The following ENDOV variants were observed in gnomAD, a reference collection of about 807,000 sequenced individuals.
The protein encoded by ENDOV is endonuclease V, also known as hEndoV.
Under a neutral mutation model 39.4 loss-of-function variants are expected in ENDOV, and 37 were observed. The ratio of observed to expected loss-of-function variants is 0.94; its 90% CI spans 0.72 to 1.23. The LOEUF (loss-of-function observed/expected upper bound fraction) is 1.23. Ranked by LOEUF, ENDOV falls within the 50% of genes most tolerant of loss-of-function variation. The probability of loss-of-function intolerance (pLI) is 0.00; values close to 1 mark genes in which losing one functional copy is unlikely to be tolerated. For missense variants in ENDOV, 441 were observed against 375.7 expected (o/e 1.17, Z -1.44); for synonymous variants, 186 against 163.4 (o/e 1.14, Z -1.05).
At position 80,423,562 on chromosome 17, in the gene ENDOV, C is replaced by T. The variant is rs750107967; in HGVS notation, c.446C>T (p.Pro149Leu). 3.3e-5 allele frequency: 52 copies of T among 1,557,436 alleles called. No homozygotes were observed. The highest frequency in any genetic ancestry group is 4.0e-5 in the Non-Finnish European group (46 of 1,150,764). Reference protein sequence around the residue: ...ACHLGVLTDLPCVGVAKKLLQ... With the variant: ...ACHLGVLTDLLCVGVAKKLLQ... ...CACCTTGGCGTCCTTACAGACCTGC[C>T]GTGTGTTGGGGTGGCCAAGAAACTT... is the stretch of plus-strand genomic sequence containing the variant. The change falls in exon 5 of 10, where the codon CCG becomes CTG. Residue 149 changes from proline to leucine, a missense_variant. Physicochemically the swap from Pro to Leu is moderately conservative, Grantham distance 98. Coordinates refer to ENST00000518137, the MANE Select transcript of ENDOV (RefSeq NM_173627.5).
At chr17:80,436,006 C>T (rs1252046856) in intron 9 of ENDOV, 127 bp from the exon 10 acceptor site, 38 of 1,026,016 alleles carry the variant, frequency 3.7e-5, no homozygotes, top group African/African-American at 1.1e-4. Flanking sequence ...CCTCCCACCT[C>T]GGCCTCCCCA....
In ENDOV at chr17:80,415,223, C is replaced by T. The variant is rs375994328; in HGVS notation, c.29C>T (p.Pro10Leu). MALEAAGGP[P>L]EETLSLWKRE... Reference sequence around the variant, plus strand: ...GCCCTGGAGGCGGCGGGAGGGCCGCCGGAGGAAACGCTGTCACTGTGGAAA... The same window carrying T: ...GCCCTGGAGGCGGCGGGAGGGCCGCTGGAGGAAACGCTGTCACTGTGGAAA... Residue 10 changes from proline (P) to leucine (L), a missense_variant, in exon 1 of 10, where the codon CCG becomes CTG. Physicochemically the swap from Pro to Leu is moderately conservative, Grantham distance 98 (BLOSUM62 -3). Transcript: ENST00000518137. The T allele has an allele frequency of 4.0e-5, 65 of 1,613,366 alleles. 1 individual carries two copies. Among genetic ancestry groups the T allele is most frequent in the East Asian group, 2.5e-4 (11 of 44,866 alleles).
In ENDOV at chr17:80,425,597, C is replaced by T. The variant is rs376958092; in HGVS notation, c.691C>T (p.Arg231Trp). The T allele has an allele frequency of 2.5e-5, 40 of 1,588,228 alleles. No individual in the cohort carries two copies. Among genetic ancestry groups the T allele is most frequent in the African/African-American group, 1.1e-4 (8 of 74,672 alleles). ...VRLTCCCCRFRIPEPVRQADI... is the reference protein window; with the variant it reads ...VRLTCCCCRFWIPEPVRQADI... ...CCTGACTTGCTGCTGCTGCAGGTTC[C>T]GGATCCCAGAGCCCGTGCGCCAGGT... is the stretch of plus-strand genomic sequence containing the variant. Residue 231 changes from arginine to tryptophan, a missense_variant, in exon 7 of 10, where the codon CGG becomes TGG. Transcript: ENST00000518137.
At chr17:80,427,864 G>T (rs1244313875) in intron 7 of ENDOV, 1 of 1,260,930 alleles carries the variant, frequency 7.9e-7, no homozygotes, top group East Asian at 5.7e-5. Flanking sequence ...AGAGGTGCTG[G>T]CCCCGCCTAC....
intron 2 of ENDOV, 65 bp downstream of exon 2, chr17:80,415,886 G>A (rs2081067114): frequency 2.6e-6 from 4 of 1,531,796 alleles, no homozygotes; most frequent in Admixed American, 2.1e-5. Context: ...CGGTCTCCGG[G>A]ACAGGGAGCA....
rs1189137536 is a variant in ENDOV at position 80,436,303 on chromosome 17, C to T, written c.*160C>T. On this transcript the variant is annotated 3_prime_UTR_variant, in exon 10 of 10. Coordinates refer to ENST00000518137, the MANE Select transcript of ENDOV (RefSeq NM_173627.5). Reference sequence around the variant, plus strand: ...GTGGTGAGAGCACACGTCCTCGTCTCGTTCCTGATCGAACGTGGTGGTGAG... The same window carrying T: ...GTGGTGAGAGCACACGTCCTCGTCTTGTTCCTGATCGAACGTGGTGGTGAG... The T allele has an allele frequency of 4.5e-6, 7 of 1,550,252 alleles. No individual in the cohort carries two copies. The highest frequency in any genetic ancestry group is 3.5e-5 in the Admixed American group (2 of 57,168).
At chr17:80,417,847 C>T (rs1402233985) in intron 2 of ENDOV, 2 of 152,156 alleles carry the variant, frequency 1.3e-5, no homozygotes, top group South Asian at 2.1e-4. Context: ...TCAAGAGATA[C>T]GTGTGTGAAT....
At chr17:80,429,515 C>G (rs529554160) in intron 8 of ENDOV, among the ~76,000 whole-genome samples, 12 of 152,282 alleles carry the variant, frequency 7.9e-5, no homozygotes, top group African/African-American at 2.9e-4. Flanking sequence ...GGGGCTGTTC[C>G]CAGGCCTCCC....
At chr17:80,420,980 CTG>C (rs2081935851) in intron 2 of ENDOV, among the ~76,000 whole-genome samples, 3 of 151,704 alleles carry the variant, frequency 2.0e-5, no homozygotes, top group Admixed American at 1.3e-4. Flanking sequence ...CTGGCCAACA[CTG>C]TGTCTTCTTT....
intron 2 of ENDOV, chr17:80,419,983 G>T: frequency 2.8e-6 from 1 of 351,770 alleles, no homozygotes; most frequent in Non-Finnish European, 5.3e-6. Flanking sequence ...TTTTTAATTT[G>T]AAAATGTACA....
intron 4 of ENDOV, among the ~76,000 whole-genome samples, chr17:80,422,495 G>A (rs1380119823): frequency 3.3e-5 from 5 of 152,230 alleles, no homozygotes; most frequent in African/African-American, 1.2e-4. Context: ...TCTCTACAGT[G>A]CCCTGTGCTG....
intron 3 of ENDOV, 108 bp downstream of exon 3, chr17:80,422,070 T>C: frequency 1.3e-6 from 2 of 1,558,382 alleles, no homozygotes; most frequent in East Asian, 2.3e-5. Context: ...ACTCATGAGC[T>C]TCCTGGAAGA....
intron 5 of ENDOV, 189 bp downstream of exon 5, chr17:80,423,821 G>A (rs900658026): frequency 7.2e-5 from 43 of 594,982 alleles, no homozygotes; most frequent in Non-Finnish European, 1.0e-4. Context: ...AGCTGAGGGC[G>A]CTCTGAGCTC....
rs750195850 is a variant in ENDOV at position 80,415,645 on chromosome 17, C to G, written c.57-5C>G. The G allele has an allele frequency of 1.2e-6, 2 of 1,610,070 alleles. No homozygotes were observed. The highest frequency in any genetic ancestry group is 4.5e-5 in the East Asian group (2 of 44,756). ...CGACCAAGTTTGACGCTTCTGTCCT[C>G]CTAGGGAGCAAGCTCGGCTGAAGGC... On this transcript the variant is annotated splice_polypyrimidine_tract_variant and splice_region_variant and intron_variant, in intron 1 of 9. Coordinates refer to ENST00000518137, the MANE Select transcript of ENDOV (RefSeq NM_173627.5).
intron 2 of ENDOV, among the ~76,000 whole-genome samples, chr17:80,421,247 T>A (rs2081977621): frequency 6.6e-6 from 1 of 151,230 alleles, no homozygotes; most frequent in Non-Finnish European, 1.5e-5. Context: ...CAGGGGCTCA[T>A]CCTATGAACT....
In ENDOV at chr17:80,421,825, CAGG is replaced by C; in HGVS notation, c.229-2_229del. 3.1e-6 allele frequency: 5 copies of C among 1,594,272 alleles called. No homozygotes were observed. Among genetic ancestry groups the C allele is most frequent in the Non-Finnish European group, 4.3e-6 (5 of 1,171,000 alleles). On this transcript the variant is annotated splice_acceptor_variant and coding_sequence_variant, in exon 3 of 10. Transcript: ENST00000518137. LOFTEE classifies it high-confidence loss of function. ...TCCCACTGAGCTGCGTGCCTGGTGTCAGGTGGTGTATGAGGAGAGCCGCATGGT... is the reference window on the plus strand; with the variant it reads ...TCCCACTGAGCTGCGTGCCTGGTGTCTGGTGTATGAGGAGAGCCGCATGGT...
At chr17:80,433,581 CAG>C (rs2083450034) in intron 9 of ENDOV, among the ~76,000 whole-genome samples, 2 of 152,374 alleles carry the variant, frequency 1.3e-5, no homozygotes, top group African/African-American at 4.8e-5. Context: ...TTCACTCCAA[CAG>C]GGGAGCTTCC....
chr17:80,415,814 A>T lies in ENDOV; in HGVS notation c.221A>T (p.Glu74Val), dbSNP rs765760407. ...CASLVVLSFP[E>V]LEVVYEESRM... ...TCCCTGGTGGTGCTCAGCTTCCCTG[A>T]GCTCGAGGTAACCTGGGAGGACGCC... Residue 74 changes from glutamate (E) to valine (V), a missense_variant, in exon 2 of 10, where the codon GAG becomes GTG. Coordinates refer to ENST00000518137, the MANE Select transcript of ENDOV (RefSeq NM_173627.5). The T allele has an allele frequency of 3.1e-6, 5 of 1,593,422 alleles. No homozygotes were observed. In the South Asian group the frequency reaches 3.4e-5, roughly 11 times the overall value.
At chr17:80,424,965 G>T in intron 5 of ENDOV, 67 bp from the exon 6 acceptor site, 2 of 1,373,522 alleles carry the variant, frequency 1.5e-6, no homozygotes, top group South Asian at 1.2e-5. Context: ...AAAAAATAGA[G>T]ACTTGCCTTC....
Sources: gnomAD v4.1 joint callset for allele counts (sites outside exome capture counted in the v4.1 genomes callset) on GRCh38, gnomAD v4.1.1 for gene constraint, MANE v1.5 for transcripts, NCBI Gene and HGNC (gene_info 2026-07-23, HGNC 2026-07-21) for gene names.